Variants in RPSA2 observed in about 807,000 individuals in gnomAD.
RPSA2 encodes the protein ribosomal protein SA 2.
the RPSA2 span, among the ~76,000 whole-genome samples, chr19:23,857,384 C>A: frequency 6.6e-6 from 1 of 152,012 alleles, no homozygotes; most frequent in Non-Finnish European, 1.5e-5. Context: ...AATTTATGTT[C>A]CTCTACCGTG....
the RPSA2 span, among the ~76,000 whole-genome samples, chr19:23,844,704 T>TAAG: frequency 6.7e-6 from 1 of 149,884 alleles, no homozygotes; most frequent in Non-Finnish European, 1.5e-5. Context: ...CATTTTTTTA[T>TAAG]AATATAATAA....
At chr19:23,808,380 C>T in the RPSA2 span, among the ~76,000 whole-genome samples, 3 of 150,246 alleles carry the variant, frequency 2.0e-5, no homozygotes, top group Admixed American at 6.7e-5. Context: ...AGCGATTCTG[C>T]CTCAGCCTAC....
chr19:23,812,811 A>G, the RPSA2 span, among the ~76,000 whole-genome samples: 1 of 152,198 alleles, frequency 6.6e-6, no homozygotes, highest in Non-Finnish European at 1.5e-5. Context: ...GTGTGAGACA[A>G]ACACTTTGTG....
chr19:23,774,772 A>G, the RPSA2 span, among the ~76,000 whole-genome samples: 1 of 152,168 alleles, frequency 6.6e-6, no homozygotes, highest in Non-Finnish European at 1.5e-5. Flanking sequence ...CACCCATGTG[A>G]TATGACTCTA....
chr19:23,813,304 A>G, the RPSA2 span, among the ~76,000 whole-genome samples: 1 of 151,686 alleles, frequency 6.6e-6, no homozygotes, highest in Non-Finnish European at 1.5e-5. Flanking sequence ...AAAGACTTCT[A>G]GAAATTTTAT....
chr19:23,760,671 T>TA, the RPSA2 span, among the ~76,000 whole-genome samples: 10 of 73,198 alleles, frequency 1.4e-4, no homozygotes, highest in African/African-American at 3.3e-4. Context: ...ATATATATAT[T>TA]TTTTTTTTTT....
chr19:23,781,234 A>C, the RPSA2 span, among the ~76,000 whole-genome samples: 1 of 151,968 alleles, frequency 6.6e-6, no homozygotes, highest in South Asian at 2.1e-4. Context: ...CGGCCTCCCA[A>C]AGTGTTGGGA....
At chr19:23,831,365 T>C in the RPSA2 span, among the ~76,000 whole-genome samples, 1 of 152,188 alleles carries the variant, frequency 6.6e-6, no homozygotes, top group African/African-American at 2.4e-5. Context: ...CTTTTTTTCT[T>C]TGTGCTCACC....
chr19:23,850,774 C>A, the RPSA2 span, among the ~76,000 whole-genome samples: 4 of 152,022 alleles, frequency 2.6e-5, no homozygotes, highest in African/African-American at 9.7e-5. Context: ...TGGCTTTCAG[C>A]TGCAGTCAGA....
chr19:23,780,097 C>A, the RPSA2 span, among the ~76,000 whole-genome samples: 1 of 152,158 alleles, frequency 6.6e-6, no homozygotes, highest in South Asian at 2.1e-4. Context: ...GATACTGTCT[C>A]TCACAGCTAG....
At chr19:23,852,736 C>G in the RPSA2 span, among the ~76,000 whole-genome samples, 1 of 152,266 alleles carries the variant, frequency 6.6e-6, no homozygotes, top group East Asian at 1.9e-4. Context: ...TTGTTTATGG[C>G]CAGTCTTGGG....
the RPSA2 span, among the ~76,000 whole-genome samples, chr19:23,784,484 A>G: frequency 6.6e-6 from 1 of 152,226 alleles, no homozygotes. Flanking sequence ...TGAGGACTCT[A>G]TTATCTGGAC....
chr19:23,787,215 A>G, the RPSA2 span, among the ~76,000 whole-genome samples: 1 of 151,958 alleles, frequency 6.6e-6, no homozygotes, highest in East Asian at 1.9e-4. Context: ...TCTGCCTGTG[A>G]TTTGCACACT....
chr19:23,808,915 T>C, the RPSA2 span: 1 of 331,524 alleles, frequency 3.0e-6, no homozygotes, highest in Admixed American at 3.6e-5. Flanking sequence ...CAAAAGGAAA[T>C]AGTTTCTGGA....
chr19:23,820,595 A>T, the RPSA2 span, among the ~76,000 whole-genome samples: 1 of 152,054 alleles, frequency 6.6e-6, no homozygotes, highest in Non-Finnish European at 1.5e-5. Context: ...GGTGTCCTTT[A>T]TAGTGCATAA....
chr19:23,811,400 A>G, the RPSA2 span, among the ~76,000 whole-genome samples: 8 of 152,134 alleles, frequency 5.3e-5, no homozygotes, highest in Non-Finnish European at 8.8e-5. Context: ...TCTTTAATGT[A>G]TCATGTAGCT....
chr19:23,831,938 A>G, the RPSA2 span: 2 of 313,844 alleles, frequency 6.4e-6, no homozygotes, highest in South Asian at 7.4e-5. Context: ...AAAACCCAAC[A>G]TAAAAGCATT....
chr19:23,858,234 C>T, the RPSA2 span, among the ~76,000 whole-genome samples: 20 of 126,956 alleles, frequency 1.6e-4, no homozygotes, highest in Non-Finnish European at 2.8e-4. Flanking sequence ...GCCAGCACAC[C>T]TGACCTGAAA....
At chr19:23,847,390 G>T in the RPSA2 span, among the ~76,000 whole-genome samples, 316 of 152,216 alleles carry the variant, frequency 2.1e-3, 3 homozygotes, top group African/African-American at 7.3e-3. Flanking sequence ...GCCAGTCTGA[G>T]AAATAAAGAG....
Sources: gnomAD v4.1 joint callset for allele counts (sites outside exome capture counted in the v4.1 genomes callset) on GRCh38, gnomAD v4.1.1 for gene constraint, MANE v1.5 for transcripts, NCBI Gene and HGNC (gene_info 2026-07-23, HGNC 2026-07-21) for gene names.